The following KLK10 variants were observed in gnomAD, a reference collection of about 807,000 sequenced individuals.
KLK10 encodes the protein kallikrein-10.
Under a neutral mutation model 25.7 loss-of-function variants are expected in KLK10, and 27 were observed. The ratio of observed to expected loss-of-function variants is 1.05; its 90% CI spans 0.77 to 1.45. KLK10 has a LOEUF of 1.45. Ranked by LOEUF, KLK10 falls within the 40% of genes most tolerant of loss-of-function variation. KLK10 has a pLI of 0.00. For missense variants in KLK10, 386 were observed against 370.0 expected, an observed-to-expected ratio of 1.04 and a Z score of -0.35; for synonymous variants, 173 against 160.1, an observed-to-expected ratio of 1.08 and a Z score of -0.61.
intron 2 of KLK10, chr19:51,018,841 G>C: frequency 1.7e-6 from 1 of 594,686 alleles, no homozygotes; most frequent in Non-Finnish European, 3.0e-6. Context: ...AATCGGACAG[G>C]GCCTGAGTGG....
At chr19:51,015,680 C>A in intron 4 of KLK10, 130 bp from the exon 5 acceptor site, 3 of 1,207,506 alleles carry the variant, frequency 2.5e-6, no homozygotes, top group Non-Finnish European at 3.5e-6. Context: ...ATCCTGGCCC[C>A]AGCCCCTCCC....
chr19:51,017,276 G>A lies in KLK10; in HGVS notation c.103C>T (p.Leu35=), dbSNP rs760945405. The part of the protein sequence containing the change: ...MAQLWAAEAA[L]LPQNDTRLDP... ...AAGCGCGTGTCGTTTTGGGGGAGCA[G>A]CGCCGCCTCTGCGGCTGGAGAAAGA... The change falls in exon 3 of 6, where the codon CTG becomes TTG. Residue 35 remains leucine, a synonymous_variant. Transcript: ENST00000358789. 8 of 1,605,344 alleles carry A rather than the reference G, an allele frequency of 5.0e-6. No individual in the cohort carries two copies. The South Asian group carries it at 6.6e-5, about 13-fold the overall frequency.
chr19:51,016,990 G>A, intron 3 of KLK10, 120 bp downstream of exon 3: 1 of 1,037,188 alleles, frequency 9.6e-7, no homozygotes, highest in Middle Eastern at 3.2e-4. Flanking sequence ...CCTGCTGGAA[G>A]GACACCGGGG....
chr19:51,013,513 C>T lies in KLK10; in HGVS notation c.*1287G>A, dbSNP rs1025205596. ...AATCTTGGCTCACTGCAACCTCTGC[C>T]CCCCGGGTTCAAGTGATTCTTCTGC... On this transcript the variant is annotated 3_prime_UTR_variant, in exon 6 of 6. Coordinates refer to ENST00000358789, the MANE Select transcript of KLK10 (RefSeq NM_145888.3). 4 of 152,434 alleles carry T rather than the reference C, an allele frequency of 2.6e-5. No homozygotes were observed. The highest frequency in any genetic ancestry group is 9.7e-5 in the African/African-American group (4 of 41,406). The allele number at this position is 152,434 out of a possible 1,614,324, so 9.4% of individuals were successfully genotyped here. A position where few individuals can be genotyped will look rare whatever the true frequency, so the allele number is the denominator to read the frequency against.
At chr19:51,016,430 G>A (rs1031672980) in intron 3 of KLK10, among the ~76,000 whole-genome samples, 9 of 151,840 alleles carry the variant, frequency 5.9e-5, no homozygotes, top group Admixed American at 5.9e-4. Flanking sequence ...TTTCGCTCTT[G>A]TCACCCAGGC....
rs1293492403 is a variant in KLK10, at chr19:51,018,937, G to A, written c.88+106C>T. 3 of 847,488 alleles carry A rather than the reference G, an allele frequency of 3.5e-6. No homozygotes were observed. In the Admixed American group the frequency reaches 6.2e-5, roughly 18 times the overall value. 52.5% of individuals were successfully genotyped at this position (847,488 alleles called of 1,614,324 possible). On this transcript the variant is annotated intron_variant, in intron 2 of 5. Coordinates refer to ENST00000358789, the MANE Select transcript of KLK10 (RefSeq NM_145888.3). The stretch of plus-strand genomic sequence containing the variant: ...CTCCGGAGCGCTGGGTGGGTGCTGG[G>A]GTCTCGGGGGAGGAGAGGTGCGCGG...
Position 51,017,161 on chromosome 19 carries a change from C to T in KLK10, c.218G>A (p.Gly73Asp). 6.2e-7 allele frequency: 1 copy of T among 1,611,878 alleles called. No homozygotes were observed. The highest frequency in any genetic ancestry group is 8.5e-7 in the Non-Finnish European group (1 of 1,179,656). ...LFNGLSFHCAGVLVDQSWVLT... is the reference protein window; with the variant it reads ...LFNGLSFHCADVLVDQSWVLT... ...CACCCAACTCTGGTCCACCAGGACA[C>T]CCGCGCAGTGGAACGAGAGGCCGTT... The change falls in exon 3 of 6, where the codon GGT becomes GAT. Residue 73 changes from glycine (G) to aspartate (D), a missense_variant. Gly to Asp is a moderately conservative substitution (Grantham distance 94). Transcript: ENST00000358789.
rs762924465 is a variant in KLK10 at position 51,019,270 on chromosome 19, A to AG, written c.-9-132dup. 6.9e-5 allele frequency: 41 copies of AG among 590,526 alleles called. No individual in the cohort carries two copies. Among genetic ancestry groups the AG allele is most frequent in the Non-Finnish European group, 1.1e-4 (38 of 337,810 alleles). The allele number at this position is 590,526 out of a possible 1,614,324, so 36.6% of individuals were successfully genotyped here. ...CTTTTGACCTGCAGCCGATAACCCCAGGGGCTGGCAGACGGGAGATTCGGG... is the reference window on the plus strand; with the variant it reads ...CTTTTGACCTGCAGCCGATAACCCCAGGGGGCTGGCAGACGGGAGATTCGGG... On this transcript the variant is annotated intron_variant, in intron 1 of 5. Transcript: ENST00000358789. This position sits in a 1 kb window ranked among gnomAD's most constrained non-coding sequence, Gnocchi z 4.2.
chr19:51,017,072 G>GC (rs752969372), intron 3 of KLK10, 38 bp downstream of exon 3: 7 of 1,513,130 alleles, frequency 4.6e-6, no homozygotes, highest in Non-Finnish European at 5.3e-6. Flanking sequence ...CGCCTCCACA[G>GC]CCCCCCGTGG....
chr19:51,014,557 TG>T lies in KLK10; in HGVS notation c.*242del. On this transcript the variant is annotated 3_prime_UTR_variant, in exon 6 of 6. Transcript: ENST00000358789. ...GTGATGACCGGCTTCCTGGCTTCTC[TG>T]GAATAAACCTTTGCCACCACTTCCT... 2.9e-6 allele frequency: 1 copy of T among 345,682 alleles called. No individual in the cohort carries two copies. The allele number at this position is 345,682 out of a possible 1,614,324, so 21.4% of individuals were successfully genotyped here. A position where few individuals can be genotyped will look rare whatever the true frequency, so the allele number is the denominator to read the frequency against.
At chr19:51,015,344 G>A in intron 5 of KLK10, 73 bp downstream of exon 5, 1 of 1,538,822 alleles carries the variant, frequency 6.5e-7, no homozygotes, top group Non-Finnish European at 8.9e-7. Flanking sequence ...ATCGGGCACA[G>A]GGTCTGCTCT....
At chr19:51,015,148 G>A (rs923851817) in intron 5 of KLK10, among the ~76,000 whole-genome samples, 196 bp from the exon 6 acceptor site, 2 of 152,040 alleles carry the variant, frequency 1.3e-5, no homozygotes, top group South Asian at 4.1e-4. Context: ...GCTGGGGGAT[G>A]AGAATGAAGG....
chr19:51,016,225 G>A (rs948936194), intron 3 of KLK10, 69 bp from the exon 4 acceptor site: 5 of 1,456,266 alleles, frequency 3.4e-6, no homozygotes, highest in African/African-American at 2.8e-5. Flanking sequence ...GGGCAGTGAC[G>A]CAGGGCCTGG....
rs1274287978 is a variant in KLK10 at position 51,013,180 on chromosome 19, G to A, written c.*1620C>T. 6.6e-6 allele frequency: 1 copy of A among 152,132 alleles called. No individual in the cohort carries two copies. Among genetic ancestry groups the A allele is most frequent in the Non-Finnish European group, 1.5e-5 (1 of 68,062 alleles). 9.4% of individuals were successfully genotyped at this position (152,132 alleles called of 1,614,324 possible). A position where few individuals can be genotyped will look rare whatever the true frequency, so the allele number is the denominator to read the frequency against. On this transcript the variant is annotated 3_prime_UTR_variant, in exon 6 of 6. Coordinates refer to ENST00000358789, the MANE Select transcript of KLK10 (RefSeq NM_145888.3). Reference sequence around the variant, plus strand: ...GAAAGAGGCCACGGAAGGGAGCTGTGTGCTCAGACCTTGTACATCAACCTC... The same window carrying A: ...GAAAGAGGCCACGGAAGGGAGCTGTATGCTCAGACCTTGTACATCAACCTC...
At position 51,017,156 on chromosome 19, in the gene KLK10, G is replaced by A. The variant is rs2091339528; in HGVS notation, c.223C>T (p.Leu75=). Residue 75 remains leucine (L), a synonymous_variant, in exon 3 of 6, where the codon CTG becomes TTG. Transcript: ENST00000358789. ...GTCAGCACCCAACTCTGGTCCACCA[G>A]GACACCCGCGCAGTGGAACGAGAGG... The part of the protein sequence containing the change: ...NGLSFHCAGV[L]VDQSWVLTAA... The A allele has an allele frequency of 6.2e-7, 1 of 1,611,736 alleles. No individual in the cohort carries two copies. The highest frequency in any genetic ancestry group is 1.3e-5 in the African/African-American group (1 of 75,004).
At position 51,015,528 on chromosome 19, in the gene KLK10, G is replaced by A. The variant is rs2091314339; in HGVS notation, c.567C>T (p.Thr189=). 1.2e-6 allele frequency: 2 copies of A among 1,613,822 alleles called. No homozygotes were observed. Among genetic ancestry groups the A allele is most frequent in the Admixed American group, 1.7e-5 (1 of 59,992 alleles). The part of the protein sequence containing the change: ...ARRVKYNKGL[T]CSSITILSPK... ...GGCTCAGGATAGTGATGCTGGAGCA[G>A]GTCAGGCCCTTGTTGTACTTCACTG... is the stretch of plus-strand genomic sequence containing the variant. Residue 189 remains threonine, a synonymous_variant, in exon 5 of 6, where the codon ACC becomes ACT. Transcript: ENST00000358789.
intron 2 of KLK10, chr19:51,018,462 A>C (rs2091365370): frequency 6.5e-6 from 1 of 154,130 alleles, no homozygotes; most frequent in Non-Finnish European, 1.4e-5. Flanking sequence ...CACGCTTGTA[A>C]TCCCAGCACT....
intron 5 of KLK10, 58 bp downstream of exon 5, chr19:51,015,359 C>T: frequency 6.3e-7 from 1 of 1,585,044 alleles, no homozygotes; most frequent in South Asian, 1.1e-5. Context: ...TGCTCTTTTC[C>T]CATAACCTCC....
In KLK10 at chr19:51,019,458, G is replaced by A. The variant is rs1173404916; in HGVS notation, c.-10+169C>T. Among the ~76,000 whole-genome samples the A allele has an allele frequency of 1.3e-5, 2 of 152,148 alleles. No homozygotes were observed. Among genetic ancestry groups the A allele is most frequent in the African/African-American group, 4.8e-5 (2 of 41,456 alleles). On this transcript the variant is annotated intron_variant, in intron 1 of 5. Coordinates refer to ENST00000358789, the MANE Select transcript of KLK10 (RefSeq NM_145888.3). The surrounding 1 kb of genome is among the most constrained non-coding windows in gnomAD (Gnocchi z 4.2). ...TCCTTCACGCGCGGGGTGGGGATCC[G>A]AGGCTCGGAGCCAGTGGGAGCCTCT... is the stretch of plus-strand genomic sequence containing the variant.
Sources: allele counts gnomAD v4.1 joint callset (sites outside exome capture counted in the v4.1 genomes callset), GRCh38; gene constraint gnomAD v4.1.1; non-coding constraint Gnocchi (gnomAD v3.1); transcripts MANE v1.5; gene names NCBI Gene and HGNC (gene_info 2026-07-23, HGNC 2026-07-21).